MACROD2: variants seen among roughly 807,000 people sequenced by gnomAD.
MACROD2 encodes the protein mono-ADP ribosylhydrolase 2.
In MACROD2, 36 loss-of-function variants were observed where a neutral mutation model predicts 70.4. The ratio of observed to expected loss-of-function variants is 0.51; its 90% CI spans 0.39 to 0.68. The LOEUF is 0.68. MACROD2 is among the 30% of genes least tolerant of loss of function. The pLI is 0.00. For missense variants in MACROD2, 496 were observed against 538.4 expected, an observed-to-expected ratio of 0.92 and a Z score of 0.78; for synonymous variants, 172 against 178.8, an observed-to-expected ratio of 0.96 and a Z score of 0.30.
rs568402876 is a variant in MACROD2 at position 14,046,888 on chromosome 20, G to A, written c.164-38733G>A. Reference sequence around the variant, plus strand: ...ATTCATAGCAATATTGTGTGTGAGAGTGAAAAACTTGAAGTCATCTTAAGC... The same window carrying A: ...ATTCATAGCAATATTGTGTGTGAGAATGAAAAACTTGAAGTCATCTTAAGC... On this transcript the variant is annotated intron_variant, in intron 2 of 17. Transcript: ENST00000684519. Among the ~76,000 whole-genome samples, 3 of 152,184 alleles carry A rather than the reference G, an allele frequency of 2.0e-5. No individual in the cohort carries two copies. In the East Asian group the frequency reaches 5.8e-4, roughly 29 times the overall value.
intron 5 of MACROD2, among the ~76,000 whole-genome samples, chr20:15,005,664 T>C (rs572564971): frequency 1.2e-4 from 18 of 152,274 alleles, no homozygotes; most frequent in Non-Finnish European, 1.9e-4. Flanking sequence ...TGGCCAGAAT[T>C]TACCCATGGA....
chr20:15,601,737 G>A (rs2048822855), intron 8 of MACROD2, among the ~76,000 whole-genome samples: 1 of 152,166 alleles, frequency 6.6e-6, no homozygotes, highest in South Asian at 2.1e-4. Context: ...TTGTTTAAAA[G>A]TGAACTTGAG....
At chr20:15,535,948 G>A (rs2047868587) in intron 8 of MACROD2, among the ~76,000 whole-genome samples, 1 of 152,184 alleles carries the variant, frequency 6.6e-6, no homozygotes, top group Non-Finnish European at 1.5e-5. Context: ...GTTCCCAGAA[G>A]GGTAGGAGTG....
intron 12 of MACROD2, among the ~76,000 whole-genome samples, chr20:15,961,702 A>G (rs150669127): frequency 9.0e-4 from 137 of 152,338 alleles, no homozygotes; most frequent in African/African-American, 2.8e-3. Context: ...AGATCAAATT[A>G]AGCCAAGCTG....
chr20:15,566,215 G>T (rs1441898277), intron 8 of MACROD2, among the ~76,000 whole-genome samples: 1 of 152,176 alleles, frequency 6.6e-6, no homozygotes, highest in African/African-American at 2.4e-5. Context: ...TGGGCACGGT[G>T]GCTCATGCCT....
intron 8 of MACROD2, among the ~76,000 whole-genome samples, chr20:15,537,619 G>A (rs912603273): frequency 6.6e-5 from 10 of 151,884 alleles, no homozygotes; most frequent in Admixed American, 6.6e-5. Context: ...GACTACAGGT[G>A]CACACTACCA....
At chr20:14,520,492 A>AT (rs11379255) in intron 4 of MACROD2, among the ~76,000 whole-genome samples, 23,754 of 144,700 alleles carry the variant, frequency 0.16, 2,073 homozygotes, top group East Asian at 0.37. Context: ...TTTTGTTATT[A>AT]TTTTTTTTTT....
intron 9 of MACROD2, among the ~76,000 whole-genome samples, chr20:15,867,091 C>T (rs1057080463): frequency 6.6e-6 from 1 of 152,170 alleles, no homozygotes; most frequent in African/African-American, 2.4e-5. Context: ...AGTTGGCTGT[C>T]TTCTCCCTGT....
chr20:15,856,670 C>T lies in MACROD2; in HGVS notation c.646-6075C>T, dbSNP rs78332614. Among the ~76,000 whole-genome samples, 1,127 of 152,256 alleles carry T rather than the reference C, an allele frequency of 7.4e-3. 21 individuals carry two copies. Among genetic ancestry groups the T allele is most frequent in the Admixed American group, 0.039 (589 of 15,286 alleles). On this transcript the variant is annotated intron_variant, in intron 8 of 17. Coordinates refer to ENST00000684519, the MANE Select transcript of MACROD2 (RefSeq NM_001351661.2). ...CTGGTGATGCAAAGATGAGTGCCACCTGATTCTTCATGAGGTTCCAGTTTA... is the reference window on the plus strand; with the variant it reads ...CTGGTGATGCAAAGATGAGTGCCACTTGATTCTTCATGAGGTTCCAGTTTA...
chr20:14,031,906 G>T (rs1329248279), intron 2 of MACROD2, among the ~76,000 whole-genome samples: 1 of 152,074 alleles, frequency 6.6e-6, no homozygotes, highest in African/African-American at 2.4e-5. Context: ...AAAACACTAT[G>T]AAGTAAATAA....
chr20:15,597,622 G>C (rs1292097714), intron 8 of MACROD2, among the ~76,000 whole-genome samples: 1 of 152,150 alleles, frequency 6.6e-6, no homozygotes, highest in East Asian at 1.9e-4. Flanking sequence ...GATGGCATGG[G>C]GTTGAGGCCT....
intron 3 of MACROD2, chr20:14,337,703 A>G (rs1338776599): frequency 5.1e-6 from 2 of 394,898 alleles, no homozygotes; most frequent in Non-Finnish European, 8.9e-6. Flanking sequence ...CTTAGCCAAG[A>G]TCTTGTTCAG....
intron 4 of MACROD2, among the ~76,000 whole-genome samples, chr20:14,615,074 A>G (rs182573619): frequency 6.6e-6 from 1 of 152,230 alleles, no homozygotes; most frequent in African/African-American, 2.4e-5. Flanking sequence ...GTTTTGATGC[A>G]TTCCAAGTGA....
intron 5 of MACROD2, among the ~76,000 whole-genome samples, chr20:15,128,483 C>G (rs2076082444): frequency 6.6e-6 from 1 of 151,882 alleles, no homozygotes; most frequent in Admixed American, 6.6e-5. Context: ...CTTTTCTTCC[C>G]ATCACACAAA....
At chr20:16,043,088 C>T (rs2067329539) in intron 16 of MACROD2, among the ~76,000 whole-genome samples, 1 of 152,020 alleles carries the variant, frequency 6.6e-6, no homozygotes, top group Non-Finnish European at 1.5e-5. Context: ...GCCATTATCA[C>T]TTGTGTTTGG....
intron 5 of MACROD2, among the ~76,000 whole-genome samples, chr20:14,822,343 G>T (rs889518589): frequency 5.3e-5 from 8 of 151,886 alleles, no homozygotes; most frequent in Non-Finnish European, 2.9e-5. Flanking sequence ...TAAGTTTTAG[G>T]GTATCTGAAC....
chr20:15,683,537 A>G (rs1054581169), intron 8 of MACROD2, among the ~76,000 whole-genome samples: 1 of 152,146 alleles, frequency 6.6e-6, no homozygotes, highest in Non-Finnish European at 1.5e-5. Flanking sequence ...CACCCATCTG[A>G]GGGACCCAGA....
intron 3 of MACROD2, among the ~76,000 whole-genome samples, chr20:14,488,428 A>G (rs1160677593): frequency 3.9e-5 from 6 of 152,224 alleles, no homozygotes; most frequent in Non-Finnish European, 7.3e-5. Context: ...ATTTTGCATT[A>G]GATGCATTGC....
At chr20:14,401,451 T>G (rs2083637228) in intron 3 of MACROD2, among the ~76,000 whole-genome samples, 1 of 152,186 alleles carries the variant, frequency 6.6e-6, no homozygotes, top group South Asian at 2.1e-4. Flanking sequence ...GCCTGAAATT[T>G]TTGTTTGTGT....
Sources: gnomAD v4.1 joint callset for allele counts (sites outside exome capture counted in the v4.1 genomes callset) on GRCh38, gnomAD v4.1.1 for gene constraint, MANE v1.5 for transcripts, NCBI Gene and HGNC (gene_info 2026-07-23, HGNC 2026-07-21) for gene names.